CYSTM1: variants seen among roughly 807,000 people sequenced by gnomAD.
CYSTM1 encodes cysteine rich transmembrane module containing 1, also known as cysteine-rich transmembrane module-containing protein 1.
Under a neutral mutation model 13.1 loss-of-function variants are expected in CYSTM1, and 4 were observed. That is an observed-to-expected ratio of 0.31 (90% CI 0.15 to 0.70). The LOEUF is 0.70. CYSTM1 is among the 30% of genes least tolerant of loss of function. CYSTM1 has a pLI of 0.72. For synonymous variants in CYSTM1, 36 were observed against 42.7 expected (o/e 0.84, Z 0.62); for missense variants, 96 against 121.6 (o/e 0.79, Z 0.99).
intron 1 of CYSTM1, among the ~76,000 whole-genome samples, chr5:140,193,141 A>G (rs1764112236): frequency 6.6e-6 from 1 of 152,266 alleles, no homozygotes; most frequent in Non-Finnish European, 1.5e-5. Flanking sequence ...GGTTGGGGAT[A>G]GAAGACACTC....
At chr5:140,178,623 C>T (rs1436775547) in intron 1 of CYSTM1, among the ~76,000 whole-genome samples, 1 of 151,388 alleles carries the variant, frequency 6.6e-6, no homozygotes, top group Non-Finnish European at 1.5e-5. Context: ...TTTTTTGAGA[C>T]AGGTTCTGGC....
rs528299589 is a variant in CYSTM1, at chr5:140,219,319, G to A, written c.188-23986G>A. The stretch of plus-strand genomic sequence containing the variant: ...AGCAGGAATTGCGGTGGATAATTTG[G>A]CATAGCCCAGGCACCCTGCACAGTT... On this transcript the variant is annotated intron_variant, in intron 2 of 2. Coordinates refer to ENST00000261811, the MANE Select transcript of CYSTM1 (RefSeq NM_032412.4). This position sits in a 1 kb window ranked among gnomAD's most constrained non-coding sequence, Gnocchi z 4.1. Among the ~76,000 whole-genome samples, 23 of 152,236 alleles carry A rather than the reference G, an allele frequency of 1.5e-4. No individual in the cohort carries two copies. The South Asian group carries it at 4.8e-3, about 32-fold the overall frequency.
chr5:140,243,506 C>G lies in CYSTM1; in HGVS notation c.*95C>G. On this transcript the variant is annotated 3_prime_UTR_variant, in exon 3 of 3. Coordinates refer to ENST00000261811, the MANE Select transcript of CYSTM1 (RefSeq NM_032412.4). ...TCTTCTGATTGCTGTTAACAAATGA[C>G]TAGCTTTGCACAGACACCTCTACCT... is the stretch of plus-strand genomic sequence containing the variant. The G allele has an allele frequency of 9.9e-7, 1 of 1,011,246 alleles. No individual in the cohort carries two copies. Among genetic ancestry groups the G allele is most frequent in the Non-Finnish European group, 1.5e-6 (1 of 677,996 alleles). 62.6% of individuals were successfully genotyped at this position (1,011,246 alleles called of 1,614,324 possible). A position where few individuals can be genotyped will look rare whatever the true frequency, so the allele number is the denominator to read the frequency against.
At chr5:140,196,108 A>G (rs1389378196) in intron 2 of CYSTM1, among the ~76,000 whole-genome samples, 1 of 152,114 alleles carries the variant, frequency 6.6e-6, no homozygotes, top group Non-Finnish European at 1.5e-5. Flanking sequence ...TTAACATTTA[A>G]TCCTTGCAAC....
intron 2 of CYSTM1, among the ~76,000 whole-genome samples, chr5:140,217,274 C>T (rs115239052): frequency 1.6e-3 from 238 of 152,168 alleles, no homozygotes; most frequent in African/African-American, 5.1e-3. Flanking sequence ...GAATGTATAT[C>T]ATGGGTAATT....
chr5:140,194,219 C>A (rs946154594), intron 1 of CYSTM1, among the ~76,000 whole-genome samples: 1 of 152,176 alleles, frequency 6.6e-6, no homozygotes, highest in African/African-American at 2.4e-5. Flanking sequence ...TATCTACTGT[C>A]ACAGCCTACA....
At chr5:140,184,232 T>C (rs1763991282) in intron 1 of CYSTM1, among the ~76,000 whole-genome samples, 1 of 152,226 alleles carries the variant, frequency 6.6e-6, no homozygotes, top group Non-Finnish European at 1.5e-5. Context: ...TCCCACCATG[T>C]TGGTGCTTTT....
At chr5:140,216,501 G>A (rs1764428655) in intron 2 of CYSTM1, among the ~76,000 whole-genome samples, 1 of 152,282 alleles carries the variant, frequency 6.6e-6, no homozygotes, top group Non-Finnish European at 1.5e-5. Flanking sequence ...CAGACCCATT[G>A]AGCAGATCAT....
chr5:140,235,226 C>G (rs1263577798), intron 2 of CYSTM1, among the ~76,000 whole-genome samples: 1 of 151,960 alleles, frequency 6.6e-6, no homozygotes, highest in East Asian at 1.9e-4. Context: ...CCTCAGCCTC[C>G]CAAAGTGCTG....
rs1763865151 is a variant in CYSTM1, at chr5:140,175,279, A to T, written c.-27A>T. 1 of 152,248 alleles carries T rather than the reference A, an allele frequency of 6.6e-6. No individual in the cohort carries two copies. Among genetic ancestry groups the T allele is most frequent in the South Asian group, 2.1e-4 (1 of 4,822 alleles). 9.4% of individuals were successfully genotyped at this position (152,248 alleles called of 1,614,324 possible). On this transcript the variant is annotated 5_prime_UTR_variant, in exon 1 of 3. Coordinates refer to ENST00000261811, the MANE Select transcript of CYSTM1 (RefSeq NM_032412.4). The surrounding 1 kb of genome is among the most constrained non-coding windows in gnomAD (Gnocchi z 4.9). ...ACCGTTATCCAGTCGGTTCGTGGAG[A>T]GGAGAGGTGAGGTGCAGCGGACCTG...
At chr5:140,177,263 C>T (rs1357268309) in intron 1 of CYSTM1, among the ~76,000 whole-genome samples, 2 of 151,728 alleles carry the variant, frequency 1.3e-5, no homozygotes, top group African/African-American at 4.8e-5. Context: ...GTGCTAGGAC[C>T]AAAAATACAC....
At chr5:140,233,749 A>G (rs1561482516) in intron 2 of CYSTM1, among the ~76,000 whole-genome samples, 1 of 152,212 alleles carries the variant, frequency 6.6e-6, no homozygotes, top group Non-Finnish European at 1.5e-5. Context: ...AGTCATGTGC[A>G]TATTTGCTCT....
chr5:140,210,247 T>A (rs2126663430), intron 2 of CYSTM1, among the ~76,000 whole-genome samples: 2 of 152,322 alleles, frequency 1.3e-5, no homozygotes, highest in Non-Finnish European at 2.9e-5. Context: ...ACTTTTGTCA[T>A]ACGCAACTTT....
At chr5:140,241,830 G>A (rs1764752605) in intron 2 of CYSTM1, among the ~76,000 whole-genome samples, 1 of 152,178 alleles carries the variant, frequency 6.6e-6, no homozygotes, top group Non-Finnish European at 1.5e-5. Flanking sequence ...TGACTTTGCT[G>A]TAGCCCCAGT....
chr5:140,184,375 G>A (rs908767244), intron 1 of CYSTM1, among the ~76,000 whole-genome samples: 4 of 134,430 alleles, frequency 3.0e-5, no homozygotes, highest in African/African-American at 1.1e-4. Context: ...ATATGCATGT[G>A]TATAAAGTTG....
chr5:140,181,701 G>T (rs764571164), intron 1 of CYSTM1, among the ~76,000 whole-genome samples: 2 of 152,236 alleles, frequency 1.3e-5, no homozygotes, highest in Middle Eastern at 3.4e-3. Flanking sequence ...TGCCCAGGCT[G>T]GTCTCAAACT....
intron 2 of CYSTM1, among the ~76,000 whole-genome samples, chr5:140,233,428 G>C (rs1487535160): frequency 6.6e-6 from 1 of 152,186 alleles, no homozygotes; most frequent in Admixed American, 6.5e-5. Context: ...TTCTACCTCT[G>C]AGTGATTATG....
intron 2 of CYSTM1, among the ~76,000 whole-genome samples, chr5:140,233,824 T>G (rs183568072): frequency 6.6e-6 from 1 of 152,364 alleles, no homozygotes; most frequent in Admixed American, 6.5e-5. Flanking sequence ...TGGGTTGTTT[T>G]CTTACTGTGG....
At chr5:140,185,435 T>C (rs1764004328) in intron 1 of CYSTM1, among the ~76,000 whole-genome samples, 1 of 152,170 alleles carries the variant, frequency 6.6e-6, no homozygotes, top group Non-Finnish European at 1.5e-5. Flanking sequence ...ACAAGAGATA[T>C]TGAATGAAGT....
Sources: allele counts gnomAD v4.1 joint callset (sites outside exome capture counted in the v4.1 genomes callset), GRCh38; gene constraint gnomAD v4.1.1; non-coding constraint Gnocchi (gnomAD v3.1); transcripts MANE v1.5; gene names NCBI Gene and HGNC (gene_info 2026-07-23, HGNC 2026-07-21).